The following ZNF827 variants were observed in gnomAD, a reference collection of about 807,000 sequenced individuals.
ZNF827 encodes zinc finger protein 827.
A neutral mutation model predicts 102.4 loss-of-function variants in ZNF827; 13 were observed. The ratio of observed to expected loss-of-function variants is 0.13; its 90% CI spans 0.08 to 0.20. The LOEUF (loss-of-function observed/expected upper bound fraction) is 0.20, where lower values mean the gene tolerates loss of function less well. Ranked by LOEUF, ZNF827 falls within the 10% of genes least tolerant of loss-of-function variation. ZNF827 has a pLI of 1.00. For synonymous variants in ZNF827, 523 were observed against 536.2 expected (o/e 0.98, Z 0.34); for missense variants, 1,103 against 1,344.4 (o/e 0.82, Z 2.81).
At chr4:145,909,263 G>C (rs1450956570) in intron 1 of ZNF827, among the ~76,000 whole-genome samples, 1 of 152,206 alleles carries the variant, frequency 6.6e-6, no homozygotes, top group Non-Finnish European at 1.5e-5. Flanking sequence ...CATAGTAGGG[G>C]TATCTGGGCT....
At chr4:145,856,288 T>C (rs1166428206) in intron 5 of ZNF827, among the ~76,000 whole-genome samples, 2 of 152,272 alleles carry the variant, frequency 1.3e-5, no homozygotes, top group East Asian at 3.9e-4. Context: ...AGCCACCGTG[T>C]CTCCAGCCAA....
rs1284700264 is a variant in ZNF827 at position 145,774,646 on chromosome 4, T to G, written c.2720A>C (p.Glu907Ala). The change falls in exon 11 of 15, where the codon GAG becomes GCG. Residue 907 changes from glutamate to alanine, a missense_variant. Glu to Ala is a moderately radical substitution (Grantham distance 107, BLOSUM62 -1). Coordinates refer to ENST00000508784, the MANE Select transcript of ZNF827 (RefSeq NM_001306215.2). ...YSCHVCGFET[E>A]LNVQFVSHMS... is the part of the protein sequence containing the mutation. ...GTGGCTGACAAACTGGACATTGAGCTCGGTCTCAAATCCACACACGTGACA... is the reference window on the plus strand; with the variant it reads ...GTGGCTGACAAACTGGACATTGAGCGCGGTCTCAAATCCACACACGTGACA... The G allele has an allele frequency of 6.2e-6, 10 of 1,613,676 alleles. No homozygotes were observed. The highest frequency in any genetic ancestry group is 8.5e-6 in the Non-Finnish European group (10 of 1,179,944).
At chr4:145,849,655 T>G in intron 5 of ZNF827, 94 bp from the exon 6 acceptor site, 3 of 1,565,684 alleles carry the variant, frequency 1.9e-6, no homozygotes, top group Non-Finnish European at 2.6e-6. Context: ...CCATAAAGAT[T>G]GTGGCAGGGA....
In ZNF827 at chr4:145,765,858, G is replaced by T; in HGVS notation, c.2861-120C>A. The T allele has an allele frequency of 9.9e-7, 1 of 1,010,514 alleles. No individual in the cohort carries two copies. The highest frequency in any genetic ancestry group is 1.4e-6 in the Non-Finnish European group (1 of 707,468). 62.6% of individuals were successfully genotyped at this position (1,010,514 alleles called of 1,614,324 possible). ...CATCATTCTGGGGGCACAGGCTCAT[G>T]TCCCCAGCTCCCCCACTGCTGGGGG... On this transcript the variant is annotated intron_variant, in intron 11 of 14. Coordinates refer to ENST00000508784, the MANE Select transcript of ZNF827 (RefSeq NM_001306215.2). The surrounding 1 kb of genome is among the most constrained non-coding windows in gnomAD (Gnocchi z 4.7).
chr4:145,852,152 T>C (rs1384111998), intron 5 of ZNF827, among the ~76,000 whole-genome samples: 1 of 152,118 alleles, frequency 6.6e-6, no homozygotes, highest in East Asian at 1.9e-4. Context: ...TACAAAGGGA[T>C]TCACTTCATT....
At chr4:145,856,945 GCCT>G (rs1421274289) in intron 5 of ZNF827, among the ~76,000 whole-genome samples, 1 of 147,856 alleles carries the variant, frequency 6.8e-6, no homozygotes, top group African/African-American at 2.5e-5. Flanking sequence ...TTTTCTGTAT[GCCT>G]CCTCCTTCTT....
chr4:145,825,134 G>A (rs919662251), intron 7 of ZNF827, among the ~76,000 whole-genome samples: 1 of 152,228 alleles, frequency 6.6e-6, no homozygotes, highest in Non-Finnish European at 1.5e-5. Context: ...TGAAGGAGGG[G>A]ACACAGTGTG....
intron 1 of ZNF827, among the ~76,000 whole-genome samples, chr4:145,925,015 G>A (rs915721999): frequency 6.6e-6 from 1 of 152,184 alleles, no homozygotes; most frequent in Admixed American, 6.5e-5. Context: ...AATGGCTGGG[G>A]AGGCCTCACA....
chr4:145,765,880 G>A lies in ZNF827; in HGVS notation c.2861-142C>T. The A allele has an allele frequency of 1.3e-6, 1 of 785,134 alleles. No individual in the cohort carries two copies. Among genetic ancestry groups the A allele is most frequent in the East Asian group, 2.8e-5 (1 of 35,446 alleles). 48.6% of individuals were successfully genotyped at this position (785,134 alleles called of 1,614,324 possible). ...CATGTCCCCAGCTCCCCCACTGCTG[G>A]GGGATCCCAGGTCCTAAGGCACCTA... is the stretch of plus-strand genomic sequence containing the variant. On this transcript the variant is annotated intron_variant, in intron 11 of 14. Transcript: ENST00000508784. This position sits in a 1 kb window ranked among gnomAD's most constrained non-coding sequence, Gnocchi z 4.7.
chr4:145,773,562 G>A (rs573938631), intron 11 of ZNF827, among the ~76,000 whole-genome samples: 6 of 152,172 alleles, frequency 3.9e-5, no homozygotes, highest in Non-Finnish European at 5.9e-5. Context: ...AAATGCAGAC[G>A]GAGCTCCTCC....
At chr4:145,802,869 G>A (rs1423271689) in intron 8 of ZNF827, among the ~76,000 whole-genome samples, 1 of 152,196 alleles carries the variant, frequency 6.6e-6, no homozygotes, top group African/African-American at 2.4e-5. Flanking sequence ...GAGCCTTGGA[G>A]ATTGAGGCTG....
intron 3 of ZNF827, among the ~76,000 whole-genome samples, chr4:145,887,669 C>A (rs1264170177): frequency 6.6e-6 from 1 of 152,176 alleles, no homozygotes; most frequent in Non-Finnish European, 1.5e-5. Flanking sequence ...TAACATCACC[C>A]CTTTCTGTTC....
intron 9 of ZNF827, among the ~76,000 whole-genome samples, chr4:145,777,745 A>G (rs1737336448): frequency 6.6e-6 from 1 of 152,112 alleles, no homozygotes; most frequent in South Asian, 2.1e-4. Context: ...ATTCCTTAAG[A>G]TGACCATTAA....
At chr4:145,919,479 A>AG (rs1752908234) in intron 1 of ZNF827, among the ~76,000 whole-genome samples, 1 of 152,232 alleles carries the variant, frequency 6.6e-6, no homozygotes, top group Non-Finnish European at 1.5e-5. Context: ...GCTTTAGCAA[A>AG]GGAAGGACCA....
rs886516228 is a variant in ZNF827, at chr4:145,891,683, A to C, written c.1266+560T>G. ...TCAATGAGGACTACAGTCTTGTTAG[A>C]AAGGGCCCCCAAGCCTCCCACAGGG... On this transcript the variant is annotated intron_variant, in intron 3 of 14. Coordinates refer to ENST00000508784, the MANE Select transcript of ZNF827 (RefSeq NM_001306215.2). 3.3e-5 allele frequency among the ~76,000 whole-genome samples: 5 copies of C among 152,222 alleles called. No individual in the cohort carries two copies. In the South Asian group the frequency reaches 8.3e-4, roughly 25 times the overall value.
intron 4 of ZNF827, among the ~76,000 whole-genome samples, chr4:145,884,979 A>T (rs1749987345): frequency 6.6e-6 from 1 of 152,272 alleles, no homozygotes; most frequent in African/African-American, 2.4e-5. Flanking sequence ...GAGTTGTTTA[A>T]TGAGTTTCAG....
At chr4:145,775,692 A>T in intron 10 of ZNF827, 97 bp downstream of exon 10, 1 of 1,442,662 alleles carries the variant, frequency 6.9e-7, no homozygotes. Flanking sequence ...TGACTGAGAA[A>T]AGGGGCCTCG....
At chr4:145,838,746 C>A (rs924486607) in intron 7 of ZNF827, among the ~76,000 whole-genome samples, 1 of 152,098 alleles carries the variant, frequency 6.6e-6, no homozygotes, top group Admixed American at 6.5e-5. Context: ...GAAAAAAAAT[C>A]CAGCAAGGAT....
At chr4:145,908,425 ATG>A (rs1430613561) in intron 1 of ZNF827, among the ~76,000 whole-genome samples, 1 of 152,220 alleles carries the variant, frequency 6.6e-6, no homozygotes, top group Non-Finnish European at 1.5e-5. Flanking sequence ...GACCACAGGT[ATG>A]TTCACCTGGT....
Sources: allele counts gnomAD v4.1 joint callset (sites outside exome capture counted in the v4.1 genomes callset), GRCh38; gene constraint gnomAD v4.1.1; non-coding constraint Gnocchi (gnomAD v3.1); transcripts MANE v1.5; gene names NCBI Gene and HGNC (gene_info 2026-07-23, HGNC 2026-07-21).